The following AKT3 variants were observed in gnomAD, a reference collection of about 807,000 sequenced individuals.
The protein encoded by AKT3 is AKT serine/threonine kinase 3.
In AKT3, 15 loss-of-function variants were observed where a neutral mutation model predicts 65.3. That is an observed-to-expected ratio of 0.23 (90% CI 0.15 to 0.35). The LOEUF (loss-of-function observed/expected upper bound fraction) is 0.35. Among genes scored for constraint, AKT3 ranks in the 10% least tolerant of loss-of-function variants. The pLI is 1.00. For synonymous variants in AKT3, 206 were observed against 183.8 expected, an observed-to-expected ratio of 1.12 and a Z score of -0.98; for missense variants, 243 against 576.5, an observed-to-expected ratio of 0.42 and a Z score of 5.92.
In AKT3 at chr1:243,567,317, C is replaced by A. The variant is rs529178874; in HGVS notation, c.820-3469G>T. Among the ~76,000 whole-genome samples the A allele has an allele frequency of 2.6e-5, 4 of 151,870 alleles. No homozygotes were observed. In the East Asian group the frequency reaches 7.8e-4, roughly 29 times the overall value. On this transcript the variant is annotated intron_variant, in intron 9 of 13. Transcript: ENST00000673466. Reference sequence around the variant, plus strand: ...CAAAACACAAATATTTTATAATTTTCTTATTTTTGAGACAGGGTCTCGCTC... The same window carrying A: ...CAAAACACAAATATTTTATAATTTTATTATTTTTGAGACAGGGTCTCGCTC...
chr1:243,688,969 T>C (rs1157251977), intron 3 of AKT3, among the ~76,000 whole-genome samples: 1 of 152,182 alleles, frequency 6.6e-6, no homozygotes, highest in Non-Finnish European at 1.5e-5. Flanking sequence ...TACAAAAACA[T>C]AATCAAATCC....
intron 4 of AKT3, among the ~76,000 whole-genome samples, chr1:243,659,965 G>T (rs1028574641): frequency 1.3e-5 from 2 of 152,048 alleles, no homozygotes; most frequent in African/African-American, 4.8e-5. Flanking sequence ...TCTCTGCCAG[G>T]CTTTGGTATC....
chr1:243,584,027 C>G (rs1675613227), intron 8 of AKT3, among the ~76,000 whole-genome samples: 1 of 151,916 alleles, frequency 6.6e-6, no homozygotes, highest in Admixed American at 6.6e-5. Context: ...AATGATGAAG[C>G]CAAAAGTTGG....
chr1:243,500,556 T>C lies in AKT3; in HGVS notation c.*4693A>G, dbSNP rs1328473238. ...TACTATACACAATTAAGCCCTCAAA[T>C]GCTTTAAAGTAATAAAAACGGACAC... On this transcript the variant is annotated 3_prime_UTR_variant, in exon 14 of 14. Coordinates refer to ENST00000673466, the MANE Select transcript of AKT3 (RefSeq NM_005465.7). 2 of 227,876 alleles carry C rather than the reference T, an allele frequency of 8.8e-6. No individual in the cohort carries two copies. Among genetic ancestry groups the C allele is most frequent in the Non-Finnish European group, 1.7e-5 (2 of 114,806 alleles). The allele number at this position is 227,876 out of a possible 1,614,324, so 14.1% of individuals were successfully genotyped here.
At chr1:243,823,934 G>A (rs183370277) in intron 2 of AKT3, among the ~76,000 whole-genome samples, 2 of 152,074 alleles carry the variant, frequency 1.3e-5, no homozygotes, top group Non-Finnish European at 2.9e-5. Flanking sequence ...AACCAAAAAA[G>A]AGCCTGAATA....
intron 3 of AKT3, among the ~76,000 whole-genome samples, chr1:243,671,097 G>C: frequency 2.0e-5 from 1 of 51,154 alleles, no homozygotes; most frequent in East Asian, 6.0e-4. Flanking sequence ...TTTTTTTTTT[G>C]AGACGGAGTC....
rs537181937 is a variant in AKT3, at chr1:243,842,451, T to C, written c.46+674A>G. Among the ~76,000 whole-genome samples the C allele has an allele frequency of 1.5e-4, 23 of 152,332 alleles. No homozygotes were observed. The South Asian group carries it at 4.3e-3, about 29-fold the overall frequency. ...CATAAGCAGGTGATCTCACAGATGA[T>C]AAACCGCTTTACATCGAAGGGTTCT... is the stretch of plus-strand genomic sequence containing the variant. On this transcript the variant is annotated intron_variant, in intron 2 of 13. Coordinates refer to ENST00000673466, the MANE Select transcript of AKT3 (RefSeq NM_005465.7).
intron 4 of AKT3, among the ~76,000 whole-genome samples, chr1:243,648,765 T>G (rs1681042919): frequency 6.6e-6 from 1 of 152,152 alleles, no homozygotes; most frequent in Non-Finnish European, 1.5e-5. Flanking sequence ...TATTGGGTTT[T>G]CTAATGTTTT....
At chr1:243,833,803 C>T (rs1694701205) in intron 2 of AKT3, among the ~76,000 whole-genome samples, 2 of 151,540 alleles carry the variant, frequency 1.3e-5, no homozygotes, top group Admixed American at 6.6e-5. Context: ...CTCACACCTG[C>T]AATCCTAGCA....
At chr1:243,749,910 T>C (rs1368553074) in intron 2 of AKT3, among the ~76,000 whole-genome samples, 1 of 152,212 alleles carries the variant, frequency 6.6e-6, no homozygotes, top group Admixed American at 6.5e-5. Flanking sequence ...TTACAGGCCT[T>C]GTTGTCCTTG....
intron 10 of AKT3, among the ~76,000 whole-genome samples, chr1:243,553,962 T>C (rs1342611504): frequency 6.6e-6 from 1 of 152,200 alleles, no homozygotes; most frequent in Non-Finnish European, 1.5e-5. Context: ...TATGAATTTA[T>C]CAATTTAAAA....
In AKT3 at chr1:243,625,690, C is replaced by G. The variant is rs535218884; in HGVS notation, c.562-10529G>C. Among the ~76,000 whole-genome samples, 10 of 152,212 alleles carry G rather than the reference C, an allele frequency of 6.6e-5. No homozygotes were observed. The South Asian group carries it at 1.9e-3, about 28-fold the overall frequency. On this transcript the variant is annotated intron_variant, in intron 6 of 13. Coordinates refer to ENST00000673466, the MANE Select transcript of AKT3 (RefSeq NM_005465.7). Reference sequence around the variant, plus strand: ...GTTATGTGTGAAGGAGTTATCTTGCCTTGTGAACTGGTATTCATCGGGTTC... The same window carrying G: ...GTTATGTGTGAAGGAGTTATCTTGCGTTGTGAACTGGTATTCATCGGGTTC...
At chr1:243,555,903 A>C (rs1673374467) in intron 10 of AKT3, among the ~76,000 whole-genome samples, 1 of 152,202 alleles carries the variant, frequency 6.6e-6, no homozygotes, top group Non-Finnish European at 1.5e-5. Flanking sequence ...ATAGGAAAGC[A>C]GACATTTGGT....
chr1:243,696,786 T>C (rs1375019605), intron 2 of AKT3, among the ~76,000 whole-genome samples: 2 of 151,966 alleles, frequency 1.3e-5, no homozygotes, highest in Admixed American at 1.3e-4. Context: ...TCTACTCTTC[T>C]GTTAATACTG....
intron 6 of AKT3, among the ~76,000 whole-genome samples, chr1:243,622,059 T>C (rs1452492285): frequency 6.6e-6 from 1 of 152,136 alleles, no homozygotes; most frequent in African/African-American, 2.4e-5. Context: ...GCATAAAAAT[T>C]TCCAAAGGCT....
At chr1:243,642,602 C>A (rs1362335046) in intron 5 of AKT3, among the ~76,000 whole-genome samples, 1 of 152,214 alleles carries the variant, frequency 6.6e-6, no homozygotes, top group South Asian at 2.1e-4. Context: ...AGCCACCACG[C>A]CCAGCCACAG....
intron 2 of AKT3, among the ~76,000 whole-genome samples, chr1:243,790,917 A>G (rs1199945565): frequency 6.6e-6 from 1 of 152,208 alleles, no homozygotes; most frequent in Non-Finnish European, 1.5e-5. Flanking sequence ...GTGGTGCCCC[A>G]AAACAATTAC....
In AKT3 at chr1:243,584,162, C is replaced by T. The variant is rs542426287; in HGVS notation, c.697-11114G>A. On this transcript the variant is annotated intron_variant, in intron 8 of 13. Transcript: ENST00000673466. Reference sequence around the variant, plus strand: ...CATTACAACTTATCCCACAGGAATACGAAAGGTCCTCAGAGGCTATGTGTC... The same window carrying T: ...CATTACAACTTATCCCACAGGAATATGAAAGGTCCTCAGAGGCTATGTGTC... 3.3e-5 allele frequency among the ~76,000 whole-genome samples: 5 copies of T among 152,124 alleles called. No homozygotes were observed. The East Asian group carries it at 5.8e-4, about 18-fold the overall frequency.
At chr1:243,707,287 T>C (rs1685863294) in intron 2 of AKT3, among the ~76,000 whole-genome samples, 1 of 152,328 alleles carries the variant, frequency 6.6e-6, no homozygotes, top group East Asian at 1.9e-4. Context: ...GCACATTAGC[T>C]GAGCAAAGGA....
Sources: allele counts gnomAD v4.1 joint callset (sites outside exome capture counted in the v4.1 genomes callset), GRCh38; gene constraint gnomAD v4.1.1; transcripts MANE v1.5; gene names NCBI Gene and HGNC (gene_info 2026-07-23, HGNC 2026-07-21).